The following NFKB1 variants were observed in gnomAD, a reference collection of about 807,000 sequenced individuals.
NFKB1 encodes the protein nuclear factor kappa B subunit 1.
NFKB1 carries 9 observed loss-of-function variants against 105.1 expected under a neutral mutation model. The observed-to-expected ratio is 0.09, with a 90% CI of 0.05 to 0.15. The LOEUF is 0.15. Ranked by LOEUF, NFKB1 falls within the 10% of genes least tolerant of loss-of-function variation. The pLI is 1.00. For missense variants in NFKB1, 830 were observed against 1,203.7 expected (o/e 0.69, Z 4.59); for synonymous variants, 440 against 442.2 (o/e 1.00, Z 0.06).
At chr4:102,599,483 G>A (rs1726945353) in intron 15 of NFKB1, among the ~76,000 whole-genome samples, 1 of 152,208 alleles carries the variant, frequency 6.6e-6, no homozygotes, top group African/African-American at 2.4e-5. Flanking sequence ...TGTACCTCGT[G>A]TCCCAGATGT....
chr4:102,569,283 A>G (rs1230744534), intron 6 of NFKB1, among the ~76,000 whole-genome samples: 1 of 152,148 alleles, frequency 6.6e-6, no homozygotes. Flanking sequence ...GGCAAGTTAC[A>G]TGACTTCTTG....
chr4:102,585,125 A>C (rs1725613923), intron 11 of NFKB1, among the ~76,000 whole-genome samples: 2 of 151,998 alleles, frequency 1.3e-5, no homozygotes, highest in African/African-American at 4.8e-5. Flanking sequence ...CCTGGCCTTA[A>C]GCAGTCCTCC....
chr4:102,571,060 G>T (rs1216858444), intron 6 of NFKB1, among the ~76,000 whole-genome samples: 1 of 151,870 alleles, frequency 6.6e-6, no homozygotes, highest in Non-Finnish European at 1.5e-5. Flanking sequence ...AGCTGGAGGC[G>T]TCACACTACC....
At chr4:102,577,165 C>G in intron 7 of NFKB1, 126 bp downstream of exon 7, 3 of 970,268 alleles carry the variant, frequency 3.1e-6, no homozygotes, top group Non-Finnish European at 4.4e-6. Flanking sequence ...CTTTTCCTTG[C>G]TCAGAAACCT....
rs79680315 is a variant in NFKB1, at chr4:102,570,071, C to T, written c.407+2936C>T. On this transcript the variant is annotated intron_variant, in intron 6 of 23. Transcript: ENST00000226574. ...AAAATATCTGTGTTCCTTGACTTTG[C>T]TTTAGGCCAGTTCACTTACCAGTAA... 8.8e-3 allele frequency among the ~76,000 whole-genome samples: 1,346 copies of T among 152,188 alleles called. 14 individuals are homozygous for T. The highest frequency in any genetic ancestry group is 0.03 in the African/African-American group (1,239 of 41,528).
chr4:102,547,935 G>A (rs867139409), intron 5 of NFKB1, among the ~76,000 whole-genome samples: 1 of 152,076 alleles, frequency 6.6e-6, no homozygotes, highest in African/African-American at 2.4e-5. Flanking sequence ...ATACCAGAAA[G>A]GAATTTATTA....
chr4:102,532,028 T>A (rs1016471764), intron 3 of NFKB1, among the ~76,000 whole-genome samples: 2 of 152,206 alleles, frequency 1.3e-5, no homozygotes, highest in Non-Finnish European at 2.9e-5. Flanking sequence ...CTATTTCTAA[T>A]CAATTTTATT....
intron 5 of NFKB1, among the ~76,000 whole-genome samples, chr4:102,541,943 A>G (rs1019854622): frequency 1.3e-5 from 2 of 152,178 alleles, no homozygotes; most frequent in South Asian, 2.1e-4. Context: ...CTGATAGTTC[A>G]GTGCATACTC....
chr4:102,547,097 C>G (rs1722197400), intron 5 of NFKB1, among the ~76,000 whole-genome samples: 1 of 152,090 alleles, frequency 6.6e-6, no homozygotes, highest in Admixed American at 6.6e-5. Context: ...TGTTTAAGAA[C>G]TGGCAGAACA....
At chr4:102,566,618 G>T (rs1044101195) in intron 5 of NFKB1, among the ~76,000 whole-genome samples, 3 of 152,122 alleles carry the variant, frequency 2.0e-5, no homozygotes, top group African/African-American at 7.2e-5. Flanking sequence ...CCCAGCTTTT[G>T]TGACCAAGAA....
intron 16 of NFKB1, among the ~76,000 whole-genome samples, chr4:102,603,998 C>T (rs1418301864): frequency 6.6e-6 from 1 of 152,058 alleles, no homozygotes; most frequent in Non-Finnish European, 1.5e-5. Flanking sequence ...TCCCATAAAA[C>T]ATTATTGGAG....
intron 17 of NFKB1, 145 bp from the exon 18 acceptor site, chr4:102,607,004 TG>T (rs1727812915): frequency 2.4e-6 from 2 of 836,764 alleles, no homozygotes; most frequent in South Asian, 2.8e-5. Flanking sequence ...TAGGAGACTG[TG>T]GGTCTTCAAA....
chr4:102,524,824 A>G (rs1365305799), intron 1 of NFKB1, among the ~76,000 whole-genome samples: 1 of 152,152 alleles, frequency 6.6e-6, no homozygotes, highest in African/African-American at 2.4e-5. Context: ...CTCCTATGAG[A>G]ATCTAATGCC....
chr4:102,577,680 T>G (rs1218247684), intron 7 of NFKB1: 1 of 251,824 alleles, frequency 4.0e-6, no homozygotes, highest in African/African-American at 2.3e-5. Flanking sequence ...CAAAACCGAT[T>G]ATCAGTTTTC....
chr4:102,572,227 C>T (rs1322721046), intron 6 of NFKB1, among the ~76,000 whole-genome samples: 3 of 151,230 alleles, frequency 2.0e-5, no homozygotes, highest in Non-Finnish European at 2.9e-5. Flanking sequence ...AGCAAACTAT[C>T]GCAAGGACAG....
intron 23 of NFKB1, among the ~76,000 whole-genome samples, chr4:102,616,049 C>A (rs1308870111): frequency 2.0e-5 from 3 of 152,160 alleles, no homozygotes; most frequent in African/African-American, 7.2e-5. Context: ...CTTCTGTCAC[C>A]AATTTATTTT....
chr4:102,606,625 C>T lies in NFKB1; in HGVS notation c.1882C>T (p.His628Tyr). Reference protein sequence around the residue: ...SVLHLAAKEGHDKVLSILLKH... With the variant: ...SVLHLAAKEGYDKVLSILLKH... Reference sequence around the variant, plus strand: ...TTTGCACCTAGCTGCCAAAGAAGGACATGATAAAGTTCTCAGTATCTTACT... The same window carrying T: ...TTTGCACCTAGCTGCCAAAGAAGGATATGATAAAGTTCTCAGTATCTTACT... The change falls in exon 17 of 24, where the codon CAT becomes TAT. Residue 628 changes from histidine (H) to tyrosine (Y), a missense_variant. Physicochemically the swap from His to Tyr is moderately conservative, Grantham distance 83 (BLOSUM62 2). This residue lies in a region of NFKB1 where 418 missense variants were observed against 575.3 expected (regional missense o/e 0.73). Coordinates refer to ENST00000226574, the MANE Select transcript of NFKB1 (RefSeq NM_003998.4). 1 of 1,614,182 alleles carries T rather than the reference C, an allele frequency of 6.2e-7. No homozygotes were observed. The highest frequency in any genetic ancestry group is 1.1e-5 in the South Asian group (1 of 91,088).
chr4:102,554,319 A>G (rs1221895256), intron 5 of NFKB1, among the ~76,000 whole-genome samples: 1 of 152,222 alleles, frequency 6.6e-6, no homozygotes, highest in Non-Finnish European at 1.5e-5. Flanking sequence ...AAGTTAAAAC[A>G]TATTTGAGAA....
At chr4:102,584,962 A>G in intron 11 of NFKB1, 142 bp downstream of exon 11, 1 of 684,414 alleles carries the variant, frequency 1.5e-6, no homozygotes, top group Non-Finnish European at 2.3e-6. Context: ...GCTCACTGCA[A>G]CTTCGAACTC....
Sources: gnomAD v4.1 joint callset for allele counts (sites outside exome capture counted in the v4.1 genomes callset) on GRCh38, gnomAD v4.1.1 for gene constraint, gnomAD v4.1.1 regional missense constraint, MANE v1.5 for transcripts, NCBI Gene and HGNC (gene_info 2026-07-23, HGNC 2026-07-21) for gene names.